The following PUM1 variants were observed in gnomAD, a reference collection of about 807,000 sequenced individuals.
The protein encoded by PUM1 is pumilio RNA binding family member 1.
PUM1 carries 13 observed loss-of-function variants against 131.8 expected under a neutral mutation model. The observed-to-expected ratio is 0.10, with a 90% CI of 0.06 to 0.16. PUM1 has a LOEUF of 0.16. Ranked by LOEUF, PUM1 falls within the 10% of genes least tolerant of loss-of-function variation. PUM1 has a pLI of 1.00. For missense variants in PUM1, 961 were observed against 1,512.4 expected (o/e 0.64, Z 6.05); for synonymous variants, 509 against 556.5 (o/e 0.91, Z 1.20).
intron 3 of PUM1, among the ~76,000 whole-genome samples, chr1:31,012,501 T>G (rs985111707): frequency 6.6e-6 from 1 of 150,766 alleles, no homozygotes; most frequent in East Asian, 1.9e-4. Context: ...ACGTACACTG[T>G]TTATCCCACC....
chr1:30,989,383 C>T (rs1389788900), intron 7 of PUM1, among the ~76,000 whole-genome samples: 1 of 151,870 alleles, frequency 6.6e-6, no homozygotes, highest in Admixed American at 6.6e-5. Flanking sequence ...ACCAGCCTGG[C>T]CAGTAAGGCG....
chr1:31,059,964 A>T (rs1354110021), intron 1 of PUM1, among the ~76,000 whole-genome samples: 4 of 151,568 alleles, frequency 2.6e-5, no homozygotes, highest in Admixed American at 2.0e-4. Flanking sequence ...CTCCTGCCTC[A>T]GCCTCCTGAG....
At position 31,005,879 on chromosome 1, in the gene PUM1, C is replaced by T. The variant is rs1404160473; in HGVS notation, c.694G>A (p.Asp232Asn). The T allele has an allele frequency of 6.2e-7, 1 of 1,602,634 alleles. No homozygotes were observed. Among genetic ancestry groups the T allele is most frequent in the Non-Finnish European group, 8.5e-7 (1 of 1,176,444 alleles). The change falls in exon 5 of 22, where the codon GAT becomes AAT. Residue 232 changes from aspartate (D) to asparagine (N), a missense_variant. Physicochemically the swap from Asp to Asn is conservative, Grantham distance 23. Transcript: ENST00000426105. The part of the protein sequence containing the change: ...VEYVLSSSPG[D>N]SCLRKGGFGP... ...AATCCTCCTTTTCTTAGACAGGAAT[C>T]GCCCGGGGATGAGCTCAACACATAC...
At chr1:30,979,935 A>G (rs1224018788) in intron 9 of PUM1, 127 bp downstream of exon 9, 11 of 644,148 alleles carry the variant, frequency 1.7e-5, no homozygotes, top group African/African-American at 3.7e-5. Context: ...TGGCAGGTAG[A>G]TGGCATTGAA....
chr1:30,953,860 A>G lies in PUM1; in HGVS notation c.2445T>C (p.Ser815=), dbSNP rs755781154. 1 of 1,614,220 alleles carries G rather than the reference A, an allele frequency of 6.2e-7. No individual in the cohort carries two copies. Among genetic ancestry groups the G allele is most frequent in the South Asian group, 1.1e-5 (1 of 91,090 alleles). ...CATCAGACATTCCATATCGCAAACG[A>G]GAGGAAGAGAAAAGAGTGCTGCTCG... is the stretch of plus-strand genomic sequence containing the variant. ...FSPSSTLFSS[S]RLRYGMSDVM... is the part of the protein sequence containing the mutation. Residue 815 remains serine, a synonymous_variant, in exon 15 of 22, where the codon TCT becomes TCC. Coordinates refer to ENST00000426105, the MANE Select transcript of PUM1 (RefSeq NM_001020658.2).
intron 3 of PUM1, among the ~76,000 whole-genome samples, chr1:31,012,666 T>C (rs1373847295): frequency 2.0e-5 from 3 of 152,092 alleles, no homozygotes; most frequent in African/African-American, 7.2e-5. Context: ...ACACTTCTTT[T>C]AAATTTGTCT....
intron 8 of PUM1, among the ~76,000 whole-genome samples, chr1:30,980,875 G>A (rs928048941): frequency 2.0e-5 from 3 of 152,102 alleles, no homozygotes; most frequent in African/African-American, 7.2e-5. Flanking sequence ...CTTTAAAATC[G>A]GTAATTATAT....
chr1:31,025,257 AC>A (rs1643178683), intron 3 of PUM1, among the ~76,000 whole-genome samples: 1 of 152,242 alleles, frequency 6.6e-6, no homozygotes, highest in African/African-American at 2.4e-5. Context: ...CAAGAGGCCA[AC>A]AGTGGCTTTG....
intron 10 of PUM1, among the ~76,000 whole-genome samples, chr1:30,973,316 T>TAGAAG (rs1641005044): frequency 1.3e-5 from 2 of 152,054 alleles, no homozygotes; most frequent in Non-Finnish European, 2.9e-5. Flanking sequence ...AAAAAATTCT[T>TAGAAG]GTTTGGATCA....
chr1:30,973,740 G>C (rs1641023900), intron 10 of PUM1, among the ~76,000 whole-genome samples: 1 of 151,944 alleles, frequency 6.6e-6, no homozygotes, highest in Admixed American at 6.6e-5. Context: ...CTGACATAAG[G>C]ATTTAGGGTA....
intron 3 of PUM1, among the ~76,000 whole-genome samples, chr1:31,024,825 A>G (rs1643165225): frequency 6.6e-6 from 1 of 152,234 alleles, no homozygotes. Flanking sequence ...CTAAAGGTGG[A>G]GCAAACAGGT....
intron 4 of PUM1, among the ~76,000 whole-genome samples, chr1:31,006,664 C>T (rs1248455150): frequency 1.3e-5 from 2 of 152,194 alleles, no homozygotes; most frequent in Non-Finnish European, 2.9e-5. Flanking sequence ...GAAAAAGAAA[C>T]ATGAACTTCA....
At chr1:30,959,763 C>T (rs771027769) in intron 14 of PUM1, among the ~76,000 whole-genome samples, 20 of 151,734 alleles carry the variant, frequency 1.3e-4, no homozygotes, top group African/African-American at 2.4e-4. Context: ...AAAAATTAGC[C>T]GGGCGTGGTG....
At chr1:30,969,316 C>CAAAAAAAAAAAAA (rs763999971) in intron 10 of PUM1, among the ~76,000 whole-genome samples, 90 of 50,946 alleles carry the variant, frequency 1.8e-3, no homozygotes, top group Middle Eastern at 8.8e-3. Context: ...AACACACACA[C>CAAAAAAAAAAAAA]AAAAAAAAAA....
rs1053063060 is a variant in PUM1 at position 30,972,053 on chromosome 1, G to A, written c.1506+2598C>T. Among the ~76,000 whole-genome samples, 5 of 151,522 alleles carry A rather than the reference G, an allele frequency of 3.3e-5. No individual in the cohort carries two copies. In the East Asian group the frequency reaches 7.9e-4, roughly 24 times the overall value. ...GTGGAACACTGGAGGTCAGGAGTTCGAGATCAGCCTGGACAACATGGTAAA... is the reference window on the plus strand; with the variant it reads ...GTGGAACACTGGAGGTCAGGAGTTCAAGATCAGCCTGGACAACATGGTAAA... On this transcript the variant is annotated intron_variant, in intron 10 of 21. Transcript: ENST00000426105.
intron 1 of PUM1, among the ~76,000 whole-genome samples, chr1:31,059,910 G>T (rs111607740): frequency 6.6e-6 from 1 of 151,326 alleles, no homozygotes; most frequent in African/African-American, 2.4e-5. Context: ...GCAATGACGC[G>T]ATCTCGGCTC....
chr1:30,981,342 C>T lies in PUM1; in HGVS notation c.1222G>A (p.Ala408Thr), dbSNP rs777033537. 6.2e-6 allele frequency: 10 copies of T among 1,602,550 alleles called. No homozygotes were observed. Among genetic ancestry groups the T allele is most frequent in the Admixed American group, 3.4e-5 (2 of 58,772 alleles). ...TGCGGCTGATGAGCAGCTGCCAGTG[C>T]ATACTGCTGCTGCTGAGCAGCTGTC... Reference protein sequence around the residue: ...QLTAAQQQQYALAAAHQPHIG... With the variant: ...QLTAAQQQQYTLAAAHQPHIG... The change falls in exon 8 of 22, where the codon GCA (alanine) becomes ACA (threonine). Residue 408 changes from alanine to threonine, a missense_variant. Around this residue, in one of 4 missense-constraint regions of PUM1, gnomAD observed 654 missense variants for 923.9 expected, o/e 0.71. Transcript: ENST00000426105.
intron 3 of PUM1, among the ~76,000 whole-genome samples, chr1:31,022,532 G>A (rs947508323): frequency 2.6e-5 from 4 of 152,204 alleles, no homozygotes; most frequent in Admixed American, 2.6e-4. Context: ...CTCAAAGTCA[G>A]GACAGACCTG....
At chr1:31,053,405 T>C (rs1644159625) in intron 2 of PUM1, among the ~76,000 whole-genome samples, 2 of 151,428 alleles carry the variant, frequency 1.3e-5, no homozygotes, top group African/African-American at 2.4e-5. Flanking sequence ...AAGACCTCAG[T>C]TTGGCCCAAA....
Sources: gnomAD v4.1 joint callset for allele counts (sites outside exome capture counted in the v4.1 genomes callset) on GRCh38, gnomAD v4.1.1 for gene constraint, gnomAD v4.1.1 regional missense constraint, MANE v1.5 for transcripts, NCBI Gene and HGNC (gene_info 2026-07-23, HGNC 2026-07-21) for gene names.